Variants in PAPPA2 observed in about 807,000 individuals in gnomAD.
PAPPA2 encodes pappalysin-2.
PAPPA2 carries 86 observed loss-of-function variants against 176.4 expected under a neutral mutation model. The observed-to-expected ratio is 0.49, with a 90% CI of 0.41 to 0.58. The LOEUF is 0.58. Ranked by LOEUF, PAPPA2 falls within the 20% of genes least tolerant of loss-of-function variation. PAPPA2 has a pLI of 0.00. For missense variants in PAPPA2, 2,073 were observed against 2,256.9 expected, an observed-to-expected ratio of 0.92 and a Z score of 1.65; for synonymous variants, 809 against 852.2, an observed-to-expected ratio of 0.95 and a Z score of 0.88.
intron 21 of PAPPA2, among the ~76,000 whole-genome samples, chr1:176,820,232 G>T (rs981489637): frequency 2.0e-5 from 3 of 152,034 alleles, no homozygotes; most frequent in Admixed American, 6.5e-5. Flanking sequence ...TAAGCCTTTT[G>T]GTTCCAGTAG....
At chr1:176,605,491 T>C (rs756098086) in intron 3 of PAPPA2, among the ~76,000 whole-genome samples, 75 of 152,266 alleles carry the variant, frequency 4.9e-4, no homozygotes, top group Admixed American at 7.2e-4. Context: ...TCATGTCTGT[T>C]AGCAATCTGC....
At chr1:176,736,806 A>G (rs909810948) in intron 12 of PAPPA2, among the ~76,000 whole-genome samples, 6 of 151,350 alleles carry the variant, frequency 4.0e-5, no homozygotes, top group African/African-American at 7.2e-5. Context: ...ATTTTAAAGT[A>G]TAATGTATTT....
chr1:176,695,956 ATGTATG>A (rs1660358487), intron 7 of PAPPA2, 97 bp downstream of exon 7: 49 of 1,298,542 alleles, frequency 3.8e-5, no homozygotes, highest in African/African-American at 7.9e-5. Flanking sequence ...CAAAAAGGCA[ATGTATG>A]TGTATGTGTG....
intron 3 of PAPPA2, among the ~76,000 whole-genome samples, chr1:176,603,808 C>T (rs1454167532): frequency 6.6e-6 from 1 of 152,174 alleles, no homozygotes; most frequent in Non-Finnish European, 1.5e-5. Context: ...CCCACTTTTG[C>T]CCTTGCACTG....
chr1:176,473,267 T>A lies in PAPPA2; in HGVS notation c.-917+9849T>A, dbSNP rs138490203. 4.9e-4 allele frequency among the ~76,000 whole-genome samples: 74 copies of A among 152,348 alleles called. No individual in the cohort carries two copies. The East Asian group carries it at 0.014, about 28-fold the overall frequency. On this transcript the variant is annotated intron_variant, in intron 1 of 22. Transcript: ENST00000367662. The stretch of plus-strand genomic sequence containing the variant: ...TAGTTTTGCCTTTTCTAGAATGTCA[T>A]ATAATTGGGATCATACAATATACAG...
intron 4 of PAPPA2, among the ~76,000 whole-genome samples, chr1:176,683,464 A>T (rs1659686638): frequency 6.6e-6 from 1 of 152,190 alleles, no homozygotes; most frequent in Non-Finnish European, 1.5e-5. Context: ...ATACACATTC[A>T]GGTATGCAAG....
intron 14 of PAPPA2, among the ~76,000 whole-genome samples, chr1:176,758,721 G>A (rs947138208): frequency 6.6e-6 from 1 of 152,142 alleles, no homozygotes; most frequent in African/African-American, 2.4e-5. Flanking sequence ...GCAATATTTT[G>A]TTTAACTGAA....
intron 1 of PAPPA2, among the ~76,000 whole-genome samples, chr1:176,542,639 A>G (rs1465445507): frequency 3.9e-5 from 6 of 152,126 alleles, no homozygotes; most frequent in East Asian, 1.9e-4. Context: ...CCTGGCCCCT[A>G]CTGGACAGGA....
At position 176,753,425 on chromosome 1, in the gene PAPPA2, A is replaced by T. The variant is rs557542042; in HGVS notation, c.4152-12241A>T. On this transcript the variant is annotated intron_variant, in intron 14 of 22. Coordinates refer to ENST00000367662, the MANE Select transcript of PAPPA2 (RefSeq NM_020318.3). Reference sequence around the variant, plus strand: ...TTTGGAGCTCAGATTTGAAATGCCAACTCTTTTCCCTCCTCTTCCACCTGG... The same window carrying T: ...TTTGGAGCTCAGATTTGAAATGCCATCTCTTTTCCCTCCTCTTCCACCTGG... Among the ~76,000 whole-genome samples the T allele has an allele frequency of 4.6e-5, 7 of 151,722 alleles. No individual in the cohort carries two copies. The South Asian group carries it at 1.5e-3, about 32-fold the overall frequency.
Position 176,703,373 on chromosome 1 carries a change from T to G in PAPPA2, c.3365+638T>G, listed in dbSNP as rs771644681. Among the ~76,000 whole-genome samples the G allele has an allele frequency of 1.5e-4, 23 of 152,228 alleles. 1 individual carries two copies. The highest frequency in any genetic ancestry group is 8.5e-4 in the Admixed American group (13 of 15,284). ...TAGCATAGAGGACTAATTAATTCAT[T>G]CTGGTTTGCCTGGGACTTCCCCGGT... On this transcript the variant is annotated intron_variant, in intron 9 of 22. Coordinates refer to ENST00000367662, the MANE Select transcript of PAPPA2 (RefSeq NM_020318.3).
chr1:176,690,652 A>G, intron 5 of PAPPA2: 1 of 1,353,594 alleles, frequency 7.4e-7, no homozygotes, highest in Non-Finnish European at 9.5e-7. Flanking sequence ...ATTCTCCTCT[A>G]CTAGATATTT....
chr1:176,832,784 CT>C (rs1667127757), intron 21 of PAPPA2, among the ~76,000 whole-genome samples: 1 of 152,102 alleles, frequency 6.6e-6, no homozygotes, highest in Non-Finnish European at 1.5e-5. Flanking sequence ...TTAACGTTTG[CT>C]TGCTTTTCTT....
At chr1:176,632,020 G>A (rs943252905) in intron 3 of PAPPA2, among the ~76,000 whole-genome samples, 5 of 152,096 alleles carry the variant, frequency 3.3e-5, no homozygotes, top group East Asian at 1.9e-4. Flanking sequence ...GCAAGTTAAG[G>A]GAAGTGTTGT....
intron 4 of PAPPA2, among the ~76,000 whole-genome samples, chr1:176,687,021 T>A (rs144527706): frequency 2.2e-4 from 34 of 152,310 alleles, no homozygotes; most frequent in African/African-American, 7.9e-4. Context: ...CATGTGTTGG[T>A]GTGCACAACA....
At chr1:176,692,089 A>G in intron 5 of PAPPA2, 37 bp from the exon 6 acceptor site, 1 of 1,553,556 alleles carries the variant, frequency 6.4e-7, no homozygotes, top group Non-Finnish European at 8.8e-7. Context: ...ATGGGTTAAA[A>G]TCTCCATCTC....
chr1:176,633,823 C>T (rs2102712616), intron 3 of PAPPA2, among the ~76,000 whole-genome samples: 1 of 152,258 alleles, frequency 6.6e-6, no homozygotes, highest in East Asian at 1.9e-4. Flanking sequence ...ATTTATGCAG[C>T]CAACAGACAC....
chr1:176,733,560 A>G (rs553973950), intron 12 of PAPPA2, among the ~76,000 whole-genome samples: 2 of 152,264 alleles, frequency 1.3e-5, no homozygotes, highest in South Asian at 2.1e-4. Context: ...AGACATGGCA[A>G]CTTCACAGAC....
intron 2 of PAPPA2, among the ~76,000 whole-genome samples, chr1:176,560,679 G>A (rs181269687): frequency 2.6e-5 from 4 of 152,322 alleles, no homozygotes; most frequent in African/African-American, 7.2e-5. Flanking sequence ...TCCCATCCAC[G>A]TGTGTAACTT....
rs537479732 is a variant in PAPPA2, at chr1:176,483,898, C to T, written c.-917+20480C>T. ...TGGCTCCTGAGGGGAGGGCTTTCCA[C>T]CCTGTGAACCTAGTCTTCAGTAAAT... On this transcript the variant is annotated intron_variant, in intron 1 of 22. Coordinates refer to ENST00000367662, the MANE Select transcript of PAPPA2 (RefSeq NM_020318.3). Among the ~76,000 whole-genome samples the T allele has an allele frequency of 1.4e-4, 21 of 152,280 alleles. No homozygotes were observed. In the East Asian group the frequency reaches 3.7e-3, roughly 27 times the overall value.
Sources: gnomAD v4.1 joint callset for allele counts (sites outside exome capture counted in the v4.1 genomes callset) on GRCh38, gnomAD v4.1.1 for gene constraint, MANE v1.5 for transcripts, NCBI Gene and HGNC (gene_info 2026-07-23, HGNC 2026-07-21) for gene names.